DMD: variants seen among roughly 807,000 people sequenced by gnomAD.
DMD encodes the protein dystrophin.
DMD carries 63 observed loss-of-function variants against 330.1 expected under a neutral mutation model. That is an observed-to-expected ratio of 0.19 (90% CI 0.16 to 0.24). The LOEUF (loss-of-function observed/expected upper bound fraction) is 0.24. Ranked by LOEUF, DMD falls within the 10% of genes least tolerant of loss-of-function variation. The pLI is 1.00. For missense variants in DMD, 3,344 were observed against 2,684.1 expected (o/e 1.25, Z -5.43); for synonymous variants, 1,223 against 959.8 (o/e 1.27, Z -5.07).
chrX:31,591,103 A>G (rs1402894573), intron 55 of DMD, among the ~76,000 whole-genome samples: 3 of 112,147 alleles, frequency 2.7e-5, no homozygotes, highest in Non-Finnish European at 5.7e-5. Context: ...AATCTAATTA[A>G]TAACTTTTGT....
chrX:31,900,361 T>C (rs188820971), intron 47 of DMD, among the ~76,000 whole-genome samples: 1 of 110,859 alleles, frequency 9.0e-6, no homozygotes, highest in Admixed American at 9.6e-5. Flanking sequence ...GTTCTAGTGA[T>C]TGTGAATAAG....
At chrX:31,474,712 A>AAAAATAAAATAAAAT (rs749950829) in intron 59 of DMD, among the ~76,000 whole-genome samples, 1 of 96,035 alleles carries the variant, frequency 1.0e-5, no homozygotes, top group Non-Finnish European at 2.0e-5. Flanking sequence ...GTCGCAAAAA[A>AAAAATAAAATAAAAT]AAAATAAAAT....
chrX:32,892,023 T>A (rs749507367), intron 2 of DMD, among the ~76,000 whole-genome samples: 1 of 111,924 alleles, frequency 8.9e-6, no homozygotes, highest in South Asian at 3.7e-4. Flanking sequence ...AGTTATTCAA[T>A]GTGTTAGCTG....
At chrX:32,595,430 C>A (rs2055406291) in intron 13 of DMD, among the ~76,000 whole-genome samples, 1 of 111,647 alleles carries the variant, frequency 9.0e-6, no homozygotes, top group Non-Finnish European at 1.9e-5. Flanking sequence ...AATGGAAATA[C>A]TCCATGCCTT....
intron 62 of DMD, among the ~76,000 whole-genome samples, chrX:31,310,205 CCA>C (rs1569523705): frequency 1.4e-4 from 5 of 34,781 alleles, no homozygotes; most frequent in African/African-American, 1.3e-3. Flanking sequence ...CTCTCTCTCT[CCA>C]TATATATATA....
At chrX:31,271,804 C>A (rs965616673) in intron 62 of DMD, among the ~76,000 whole-genome samples, 3 of 111,710 alleles carry the variant, frequency 2.7e-5, no homozygotes, top group African/African-American at 9.8e-5. Flanking sequence ...AACAGTGACT[C>A]AGACATCTAA....
chrX:32,176,871 G>A (rs1451729820), intron 44 of DMD, among the ~76,000 whole-genome samples: 2 of 111,241 alleles, frequency 1.8e-5, no homozygotes, highest in Non-Finnish European at 3.8e-5. Context: ...TCCAAAATAC[G>A]TTTACTCTCT....
chrX:32,699,821 A>G (rs1490827019), intron 7 of DMD, among the ~76,000 whole-genome samples: 1 of 111,922 alleles, frequency 8.9e-6, no homozygotes, highest in Non-Finnish European at 1.9e-5. Context: ...TCCACAATAT[A>G]AATTAAACAG....
At chrX:32,589,175 A>C (rs577884251) in intron 13 of DMD, among the ~76,000 whole-genome samples, 7 of 111,900 alleles carry the variant, frequency 6.3e-5, no homozygotes, top group African/African-American at 1.9e-4. Context: ...GTTATTTTTT[A>C]ATTAAATAAT....
chrX:31,709,246 G>A lies in DMD; in HGVS notation c.7660+20385C>T, dbSNP rs938789196. Among the ~76,000 whole-genome samples, 3 of 111,725 alleles carry A rather than the reference G, an allele frequency of 2.7e-5. No homozygotes were observed. In the East Asian group the frequency reaches 8.4e-4, roughly 31 times the overall value. ...AGATTGAGCCACTACACTCTAGCCT[G>A]GGTGACAGAGTGAGACTCTGACTCA... On this transcript the variant is annotated intron_variant, in intron 52 of 78. Coordinates refer to ENST00000357033, the MANE Select transcript of DMD (RefSeq NM_004006.3).
chrX:31,738,049 C>T (rs1167134022), intron 51 of DMD, among the ~76,000 whole-genome samples: 2 of 111,859 alleles, frequency 1.8e-5, no homozygotes, highest in African/African-American at 3.2e-5. Context: ...TGGGAAGCAG[C>T]GAACTTGCAG....
At chrX:32,716,588 C>T (rs757090722) in intron 7 of DMD, among the ~76,000 whole-genome samples, 9 of 110,857 alleles carry the variant, frequency 8.1e-5, no homozygotes, top group Admixed American at 9.7e-5. Context: ...GGCACTGCTA[C>T]GAAGATACAT....
intron 42 of DMD, among the ~76,000 whole-genome samples, chrX:32,304,489 A>G (rs889013826): frequency 9.0e-6 from 1 of 111,278 alleles, no homozygotes; most frequent in Admixed American, 9.6e-5. Context: ...AATATAAAAG[A>G]AAACTGTACC....
At chrX:32,213,477 T>G (rs763714931) in intron 44 of DMD, among the ~76,000 whole-genome samples, 2 of 111,958 alleles carry the variant, frequency 1.8e-5, no homozygotes, top group African/African-American at 3.2e-5. Context: ...CATGTGTGTG[T>G]GCACGCTCAT....
At chrX:33,202,271 C>G (rs924866805) in intron 1 of DMD, among the ~76,000 whole-genome samples, 1 of 111,500 alleles carries the variant, frequency 9.0e-6, no homozygotes, top group Admixed American at 9.6e-5. Context: ...TGACAACTGA[C>G]TGGTTAAGAA....
At chrX:31,260,845 G>T in intron 63 of DMD, 110 bp downstream of exon 63, 1 of 717,605 alleles carries the variant, frequency 1.4e-6, no homozygotes, top group Non-Finnish European at 2.1e-6. Flanking sequence ...TTTCACCCTT[G>T]AAACAATCTA....
At chrX:32,737,626 GCAGA>G (rs1244240278) in intron 7 of DMD, among the ~76,000 whole-genome samples, 1 of 111,748 alleles carries the variant, frequency 8.9e-6, no homozygotes, top group Non-Finnish European at 1.9e-5. Flanking sequence ...TGTATCTGTG[GCAGA>G]AAGATAATAC....
chrX:32,995,554 A>G (rs1160134462), intron 2 of DMD, among the ~76,000 whole-genome samples: 1 of 112,074 alleles, frequency 8.9e-6, no homozygotes, highest in Non-Finnish European at 1.9e-5. Flanking sequence ...TGTAAGTATG[A>G]TTATTTCACA....
chrX:31,790,916 T>C (rs2091538658), intron 50 of DMD, among the ~76,000 whole-genome samples: 1 of 112,011 alleles, frequency 8.9e-6, no homozygotes, highest in Admixed American at 9.5e-5. Flanking sequence ...CTGAATTCAG[T>C]AATATTGTAA....
Sources: allele counts gnomAD v4.1 joint callset (sites outside exome capture counted in the v4.1 genomes callset), GRCh38; gene constraint gnomAD v4.1.1; transcripts MANE v1.5; gene names NCBI Gene and HGNC (gene_info 2026-07-23, HGNC 2026-07-21).